TTC29: variants seen among roughly 807,000 people sequenced by gnomAD.
The protein encoded by TTC29 is tetratricopeptide repeat protein 29.
TTC29 carries 49 observed loss-of-function variants against 58.1 expected under a neutral mutation model. That is an observed-to-expected ratio of 0.84 (90% CI 0.67 to 1.07). TTC29 has a LOEUF of 1.07. TTC29 is among the 50% of genes least tolerant of loss of function. The pLI is 0.00. For synonymous variants in TTC29, 209 were observed against 196.8 expected (o/e 1.06, Z -0.52); for missense variants, 582 against 555.6 (o/e 1.05, Z -0.48).
chr4:146,919,862 C>T (rs902363245), intron 4 of TTC29, among the ~76,000 whole-genome samples: 1 of 150,994 alleles, frequency 6.6e-6, no homozygotes, highest in Non-Finnish European at 1.5e-5. Flanking sequence ...AAAGAACAAA[C>T]TTAGTAAAAA....
intron 6 of TTC29, among the ~76,000 whole-genome samples, chr4:146,878,118 T>G (rs547830330): frequency 6.6e-6 from 1 of 152,228 alleles, no homozygotes; most frequent in Non-Finnish European, 1.5e-5. Context: ...CAAGCAGGAA[T>G]GAAGTGAGGA....
chr4:146,709,845 C>T (rs1280221442), intron 11 of TTC29, among the ~76,000 whole-genome samples: 1 of 152,132 alleles, frequency 6.6e-6, no homozygotes, highest in Non-Finnish European at 1.5e-5. Flanking sequence ...GCAAGAGTTA[C>T]TCACCTACTG....
At chr4:146,833,535 AT>A (rs1390957066) in intron 9 of TTC29, among the ~76,000 whole-genome samples, 2 of 152,104 alleles carry the variant, frequency 1.3e-5, no homozygotes, top group Non-Finnish European at 2.9e-5. Flanking sequence ...ATGTGACCCG[AT>A]TTTTTTCTCT....
rs898599175 is a variant in TTC29 at position 146,816,265 on chromosome 4, T to C, written c.1101+3860A>G. On this transcript the variant is annotated intron_variant, in intron 10 of 12. Transcript: ENST00000325106. The stretch of plus-strand genomic sequence containing the variant: ...TCATACTGCATATATTCATATACTA[T>C]ATCTTTTCTTCTATGCTATAGGAGA... Among the ~76,000 whole-genome samples the C allele has an allele frequency of 2.6e-5, 4 of 152,234 alleles. No homozygotes were observed. In the South Asian group the frequency reaches 8.3e-4, roughly 31 times the overall value.
chr4:146,711,299 G>T (rs550277845), intron 11 of TTC29, among the ~76,000 whole-genome samples: 8 of 152,270 alleles, frequency 5.3e-5, no homozygotes, highest in African/African-American at 1.9e-4. Context: ...AGGCTGTATT[G>T]TATCAGTGTG....
intron 4 of TTC29, among the ~76,000 whole-genome samples, chr4:146,917,708 A>G (rs1220762807): frequency 2.5e-5 from 3 of 120,320 alleles, no homozygotes; most frequent in East Asian, 2.4e-4. Flanking sequence ...ATTAAATTAT[A>G]TGATACACAA....
rs534727461 is a variant in TTC29, at chr4:146,799,195, G to A, written c.1330+4262C>T. Reference sequence around the variant, plus strand: ...TCACCAGATTCTTCTTTTTCTTTGTGTTGGTTATGAAAACATTATTAAAGA... The same window carrying A: ...TCACCAGATTCTTCTTTTTCTTTGTATTGGTTATGAAAACATTATTAAAGA... On this transcript the variant is annotated intron_variant, in intron 11 of 12. Transcript: ENST00000325106. 2.6e-5 allele frequency among the ~76,000 whole-genome samples: 4 copies of A among 152,166 alleles called. No individual in the cohort carries two copies. In the South Asian group the frequency reaches 8.3e-4, roughly 32 times the overall value.
intron 11 of TTC29, among the ~76,000 whole-genome samples, chr4:146,725,583 C>T (rs149990677): frequency 4.6e-5 from 7 of 152,182 alleles, no homozygotes; most frequent in South Asian, 2.1e-4. Flanking sequence ...GCTAATTCCA[C>T]GTAACTAAAT....
chr4:146,919,935 A>G (rs893225431), intron 4 of TTC29, among the ~76,000 whole-genome samples: 1 of 151,116 alleles, frequency 6.6e-6, no homozygotes, highest in Non-Finnish European at 1.5e-5. Flanking sequence ...TATGTCATAC[A>G]TTTTATCTTT....
At chr4:146,806,067 G>C (rs1400138420) in intron 10 of TTC29, among the ~76,000 whole-genome samples, 4 of 152,144 alleles carry the variant, frequency 2.6e-5, no homozygotes. Flanking sequence ...AGAAGAGAGT[G>C]GGGGCCAATA....
chr4:146,722,657 A>G (rs949571618), intron 11 of TTC29, among the ~76,000 whole-genome samples: 28 of 152,072 alleles, frequency 1.8e-4, no homozygotes, highest in African/African-American at 6.3e-4. Context: ...ACCTTTTACC[A>G]TATTCAAAAA....
In TTC29 at chr4:146,942,476, G is replaced by A. The variant is rs1286419122; in HGVS notation, c.-7+2555C>T. 1.5e-5 allele frequency: 8 copies of A among 529,628 alleles called. No homozygotes were observed. In the East Asian group the frequency reaches 2.4e-4, roughly 16 times the overall value. The allele number at this position is 529,628 out of a possible 1,614,324, so 32.8% of individuals were successfully genotyped here. ...AACAGTTGAGTTACTGGAATAACAA[G>A]AACTTACTAAATGGCAGCATCATAC... On this transcript the variant is annotated intron_variant, in intron 2 of 12. Coordinates refer to ENST00000325106, the MANE Select transcript of TTC29 (RefSeq NM_031956.4).
intron 6 of TTC29, among the ~76,000 whole-genome samples, chr4:146,895,137 C>A (rs1732683594): frequency 6.6e-6 from 1 of 152,144 alleles, no homozygotes; most frequent in Non-Finnish European, 1.5e-5. Flanking sequence ...TATCTATGTC[C>A]CTGCAAGGGA....
intron 11 of TTC29, among the ~76,000 whole-genome samples, chr4:146,778,779 G>A (rs1241974835): frequency 6.6e-6 from 1 of 151,788 alleles, no homozygotes. Context: ...GAAACAACAG[G>A]TATACATGGA....
intron 10 of TTC29, among the ~76,000 whole-genome samples, chr4:146,805,335 A>G (rs766827126): frequency 2.6e-5 from 4 of 152,074 alleles, no homozygotes; most frequent in Admixed American, 6.5e-5. Flanking sequence ...TTCTCTTCCA[A>G]AGGATCATAA....
intron 11 of TTC29, among the ~76,000 whole-genome samples, chr4:146,767,371 G>A (rs112508112): frequency 1.3e-5 from 2 of 151,764 alleles, no homozygotes; most frequent in African/African-American, 4.8e-5. Context: ...TGTTCTAATT[G>A]TCAATGCCTT....
chr4:146,799,206 A>G (rs1321676327), intron 11 of TTC29, among the ~76,000 whole-genome samples: 2 of 152,142 alleles, frequency 1.3e-5, no homozygotes, highest in Non-Finnish European at 2.9e-5. Context: ...TTGGTTATGA[A>G]AACATTATTA....
chr4:146,751,010 G>A (rs536471741), intron 11 of TTC29, among the ~76,000 whole-genome samples: 3 of 152,322 alleles, frequency 2.0e-5, no homozygotes, highest in Non-Finnish European at 4.4e-5. Flanking sequence ...GGCTGAATGT[G>A]ATGAAAGATG....
At chr4:146,915,060 G>A (rs1347286626) in intron 4 of TTC29, among the ~76,000 whole-genome samples, 1 of 152,058 alleles carries the variant, frequency 6.6e-6, no homozygotes, top group African/African-American at 2.4e-5. Flanking sequence ...CACAATAACT[G>A]TATAAAGAAC....
Sources: gnomAD v4.1 joint callset for allele counts (sites outside exome capture counted in the v4.1 genomes callset) on GRCh38, gnomAD v4.1.1 for gene constraint, MANE v1.5 for transcripts, NCBI Gene and HGNC (gene_info 2026-07-23, HGNC 2026-07-21) for gene names.